SLC25A26: variants seen among roughly 807,000 people sequenced by gnomAD.
SLC25A26 encodes the protein solute carrier family 25 member 26, also known as mitochondrial S-adenosylmethionine carrier protein.
In SLC25A26, 36 loss-of-function variants were observed where a neutral mutation model predicts 37.8. The ratio of observed to expected loss-of-function variants is 0.95; its 90% CI spans 0.73 to 1.26. The LOEUF (loss-of-function observed/expected upper bound fraction) is 1.26, where lower values mean the gene tolerates loss of function less well. SLC25A26 is among the 50% of genes most tolerant of loss of function. The pLI is 0.00. For missense variants in SLC25A26, 390 were observed against 331.1 expected (o/e 1.18, Z -1.38); for synonymous variants, 129 against 122.5 (o/e 1.05, Z -0.35).
chr3:66,282,988 T>G (rs566744808), intron 5 of SLC25A26, among the ~76,000 whole-genome samples: 57 of 152,326 alleles, frequency 3.7e-4, no homozygotes, highest in African/African-American at 1.3e-3. Flanking sequence ...CGTAATGCCT[T>G]TGAGATTCAT....
intron 3 of SLC25A26, among the ~76,000 whole-genome samples, chr3:66,257,478 T>C (rs1197557183): frequency 6.6e-6 from 1 of 151,912 alleles, no homozygotes; most frequent in Non-Finnish European, 1.5e-5. Flanking sequence ...CTCCCTGGAG[T>C]TGAGCCCTGA....
chr3:66,159,073 G>C (rs1397238594), intron 1 of SLC25A26, among the ~76,000 whole-genome samples: 1 of 152,138 alleles, frequency 6.6e-6, no homozygotes, highest in Non-Finnish European at 1.5e-5. Flanking sequence ...TAGCTACTAG[G>C]CAGTGGCTTC....
At chr3:66,212,419 T>A (rs992893726) in intron 1 of SLC25A26, among the ~76,000 whole-genome samples, 10 of 152,160 alleles carry the variant, frequency 6.6e-5, no homozygotes, top group African/African-American at 2.4e-4. Context: ...CCAATTCATA[T>A]TTTATTATTC....
chr3:66,343,068 G>A (rs2076245122), intron 5 of SLC25A26, among the ~76,000 whole-genome samples: 1 of 152,102 alleles, frequency 6.6e-6, no homozygotes, highest in Non-Finnish European at 1.5e-5. Context: ...TCTGTTTGGG[G>A]GTATAAAATT....
chr3:66,312,342 C>A (rs2075403283), intron 5 of SLC25A26, among the ~76,000 whole-genome samples: 1 of 152,108 alleles, frequency 6.6e-6, no homozygotes, highest in Non-Finnish European at 1.5e-5. Flanking sequence ...CTAACCAAAC[C>A]CAATCACCCC....
intron 6 of SLC25A26, among the ~76,000 whole-genome samples, chr3:66,356,911 C>T (rs956940636): frequency 3.9e-5 from 6 of 152,090 alleles, no homozygotes; most frequent in African/African-American, 9.6e-5. Context: ...ATTATAGGCA[C>T]GAGCCGCTGC....
intron 5 of SLC25A26, among the ~76,000 whole-genome samples, chr3:66,336,036 T>C (rs181091450): frequency 1.3e-5 from 2 of 152,318 alleles, no homozygotes; most frequent in Admixed American, 1.3e-4. Flanking sequence ...TCTTTTCTAA[T>C]TGTAATTTTG....
At position 66,280,992 on chromosome 3, in the gene SLC25A26, C is replaced by A. The variant is rs187739571; in HGVS notation, c.453+17613C>A. Reference sequence around the variant, plus strand: ...TTCCCTGATGTCCCAGTGATAAAAGCCTTACAGCTTCTTTCTCTACTCAGG... The same window carrying A: ...TTCCCTGATGTCCCAGTGATAAAAGACTTACAGCTTCTTTCTCTACTCAGG... On this transcript the variant is annotated intron_variant, in intron 5 of 9. Transcript: ENST00000354883. Among the ~76,000 whole-genome samples the A allele has an allele frequency of 2.0e-5, 3 of 152,244 alleles. No homozygotes were observed. The East Asian group carries it at 5.8e-4, about 29-fold the overall frequency.
chr3:66,346,116 G>A (rs945383500), intron 5 of SLC25A26, among the ~76,000 whole-genome samples: 3 of 152,206 alleles, frequency 2.0e-5, no homozygotes, highest in African/African-American at 7.2e-5. Flanking sequence ...AATCTCGTGA[G>A]CCTGGGAGGT....
At chr3:66,281,378 C>G (rs1425989196) in intron 5 of SLC25A26, among the ~76,000 whole-genome samples, 5 of 152,146 alleles carry the variant, frequency 3.3e-5, no homozygotes, top group African/African-American at 7.2e-5. Context: ...ATCCCATTCC[C>G]CAATAAATAG....
intron 5 of SLC25A26, among the ~76,000 whole-genome samples, chr3:66,320,118 TA>T (rs2075654826): frequency 6.6e-6 from 1 of 152,312 alleles, no homozygotes; most frequent in South Asian, 2.1e-4. Context: ...TAAAAATATA[TA>T]AACTAAAATT....
intron 1 of SLC25A26, among the ~76,000 whole-genome samples, chr3:66,147,263 A>G (rs1255473038): frequency 6.6e-6 from 1 of 151,062 alleles, no homozygotes; most frequent in Non-Finnish European, 1.5e-5. Flanking sequence ...TCCTGGGTTC[A>G]AGCGATCCTC....
intron 6 of SLC25A26, among the ~76,000 whole-genome samples, chr3:66,347,912 G>A (rs565241526): frequency 2.0e-4 from 31 of 152,330 alleles, no homozygotes; most frequent in African/African-American, 7.2e-4. Flanking sequence ...ACTTATAAGT[G>A]GGAGCTGAGC....
chr3:66,273,984 A>G (rs1271959229), intron 5 of SLC25A26, among the ~76,000 whole-genome samples: 1 of 152,182 alleles, frequency 6.6e-6, no homozygotes, highest in African/African-American at 2.4e-5. Context: ...GCATCACACT[A>G]CCTGACTTCA....
At chr3:66,355,033 G>A (rs1214038215) in intron 6 of SLC25A26, among the ~76,000 whole-genome samples, 1 of 152,002 alleles carries the variant, frequency 6.6e-6, no homozygotes, top group Non-Finnish European at 1.5e-5. Flanking sequence ...CAACTAATAA[G>A]AACCACAGAT....
intron 1 of SLC25A26, among the ~76,000 whole-genome samples, chr3:66,139,356 A>G (rs1381081435): frequency 6.6e-6 from 1 of 152,246 alleles, no homozygotes; most frequent in African/African-American, 2.4e-5. Flanking sequence ...AAATAGGTGT[A>G]TGCTCTACTT....
intron 5 of SLC25A26, among the ~76,000 whole-genome samples, chr3:66,272,927 G>T (rs1316002745): frequency 6.6e-6 from 1 of 152,068 alleles, no homozygotes; most frequent in Non-Finnish European, 1.5e-5. Context: ...TTGGCTGTGG[G>T]TTTGTCATAG....
chr3:66,206,038 A>C (rs1285793794), intron 1 of SLC25A26, among the ~76,000 whole-genome samples: 2 of 152,214 alleles, frequency 1.3e-5, no homozygotes, highest in African/African-American at 4.8e-5. Flanking sequence ...AACTACTGGA[A>C]ACATATACAA....
chr3:66,249,411 C>T (rs1003125291), intron 3 of SLC25A26, among the ~76,000 whole-genome samples: 1 of 152,186 alleles, frequency 6.6e-6, no homozygotes, highest in Non-Finnish European at 1.5e-5. Context: ...AAGGATTGGA[C>T]GCATAGATGC....
Sources: allele counts gnomAD v4.1 joint callset (sites outside exome capture counted in the v4.1 genomes callset), GRCh38; gene constraint gnomAD v4.1.1; transcripts MANE v1.5; gene names NCBI Gene and HGNC (gene_info 2026-07-23, HGNC 2026-07-21).